Variants in CSMD1 observed in about 807,000 individuals in gnomAD.
CSMD1 encodes CUB and sushi domain-containing protein 1.
In CSMD1, 213 loss-of-function variants were observed where a neutral mutation model predicts 417.5. That is an observed-to-expected ratio of 0.51 (90% CI 0.46 to 0.57). The LOEUF is 0.57. Among genes scored for constraint, CSMD1 ranks in the 20% least tolerant of loss-of-function variants. The pLI, the probability that CSMD1 is intolerant of heterozygous loss-of-function variation, is 0.00. For missense variants in CSMD1, 6,923 were observed against 4,529.7 expected (o/e 1.53, Z -15.17); for synonymous variants, 2,862 against 1,736.8 (o/e 1.65, Z -16.11).
At chr8:4,369,165 C>G (rs777089329) in intron 3 of CSMD1, among the ~76,000 whole-genome samples, 10 of 152,098 alleles carry the variant, frequency 6.6e-5, no homozygotes, top group Non-Finnish European at 1.0e-4. Context: ...TCACTGGTTT[C>G]AAAAACTTTT....
chr8:3,571,178 T>C (rs996800378), intron 10 of CSMD1, among the ~76,000 whole-genome samples: 12 of 152,146 alleles, frequency 7.9e-5, no homozygotes, highest in African/African-American at 2.9e-4. Flanking sequence ...ACCAACGCCA[T>C]CAACAAGGCT....
chr8:3,151,482 A>G lies in CSMD1; in HGVS notation c.5946T>C (p.Gly1982=), dbSNP rs1819192680. The part of the protein sequence containing the change: ...ATCGGTLSTL[G]GVILSPGFPG... Reference sequence around the variant, plus strand: ...GGAAGCCGGGGCTCAGGATCACACCACCCAAGGTGCTCAGCGTCCCTCCAC... The same window carrying G: ...GGAAGCCGGGGCTCAGGATCACACCGCCCAAGGTGCTCAGCGTCCCTCCAC... Residue 1982 remains glycine, a synonymous_variant, in exon 40 of 70, where the codon GGT becomes GGC. Coordinates refer to ENST00000635120, the MANE Select transcript of CSMD1 (RefSeq NM_033225.6). 6.2e-7 allele frequency: 1 copy of G among 1,613,438 alleles called. No homozygotes were observed. The highest frequency in any genetic ancestry group is 8.5e-7 in the Non-Finnish European group (1 of 1,179,706).
intron 5 of CSMD1, among the ~76,000 whole-genome samples, chr8:3,838,357 G>A (rs532520842): frequency 1.3e-5 from 2 of 151,592 alleles, no homozygotes; most frequent in South Asian, 4.2e-4. Flanking sequence ...GTGATGTCGT[G>A]AGACACTGTC....
intron 12 of CSMD1, among the ~76,000 whole-genome samples, chr8:3,443,579 A>C (rs1269718892): frequency 2.6e-5 from 4 of 152,356 alleles, no homozygotes; most frequent in African/African-American, 7.2e-5. Context: ...ACAGTTTAGA[A>C]GAGAAGGAAG....
At chr8:4,041,802 A>C (rs1797908512) in intron 3 of CSMD1, among the ~76,000 whole-genome samples, 1 of 152,026 alleles carries the variant, frequency 6.6e-6, no homozygotes, top group Admixed American at 6.5e-5. Flanking sequence ...AAAACAAACA[A>C]ACATACCCAC....
intron 62 of CSMD1, among the ~76,000 whole-genome samples, chr8:2,958,485 A>G (rs1043560360): frequency 6.6e-6 from 1 of 152,172 alleles, no homozygotes; most frequent in African/African-American, 2.4e-5. Context: ...TTATTCACCC[A>G]TGTGTGTTCC....
chr8:4,779,840 C>T (rs771281244), intron 1 of CSMD1, among the ~76,000 whole-genome samples: 4 of 152,282 alleles, frequency 2.6e-5, no homozygotes, highest in South Asian at 2.1e-4. Flanking sequence ...CAGCATCTTC[C>T]ACTTCCAAAC....
chr8:3,407,663 G>C (rs1256630835), intron 14 of CSMD1, among the ~76,000 whole-genome samples: 1 of 152,190 alleles, frequency 6.6e-6, no homozygotes, highest in Non-Finnish European at 1.5e-5. Context: ...AGATGAAAGA[G>C]AGAGGAGATC....
At chr8:4,922,198 G>A (rs1008430001) in intron 1 of CSMD1, among the ~76,000 whole-genome samples, 2 of 152,038 alleles carry the variant, frequency 1.3e-5, no homozygotes, top group Admixed American at 1.3e-4. Flanking sequence ...GCGAGTGTGT[G>A]CGTGCATGTC....
chr8:4,545,510 C>T (rs972856055), intron 2 of CSMD1, among the ~76,000 whole-genome samples: 3 of 152,074 alleles, frequency 2.0e-5, no homozygotes, highest in Admixed American at 1.3e-4. Context: ...GTGGGTAGAT[C>T]TCACGACCCT....
At chr8:3,883,481 C>A (rs1344374165) in intron 5 of CSMD1, among the ~76,000 whole-genome samples, 1 of 152,074 alleles carries the variant, frequency 6.6e-6, no homozygotes, top group Non-Finnish European at 1.5e-5. Flanking sequence ...TATGTATATG[C>A]ACACAAATAT....
chr8:4,198,486 G>C (rs997049367), intron 3 of CSMD1, among the ~76,000 whole-genome samples: 1 of 152,038 alleles, frequency 6.6e-6, no homozygotes, highest in African/African-American at 2.4e-5. Context: ...GAAATCACTA[G>C]AGGATGAGAA....
Position 2,938,656 on chromosome 8 carries a change from T to C in CSMD1, c.10624A>G (p.Asn3542Asp). 1 of 1,611,814 alleles carries C rather than the reference T, an allele frequency of 6.2e-7. No individual in the cohort carries two copies. Among genetic ancestry groups the C allele is most frequent in the Non-Finnish European group, 8.5e-7 (1 of 1,178,960 alleles). Residue 3542 changes from asparagine to aspartate, a missense_variant, in exon 70 of 70, where the codon AAC (asparagine) becomes GAC (aspartate). Physicochemically the swap from Asn to Asp is conservative, Grantham distance 23. Coordinates refer to ENST00000635120, the MANE Select transcript of CSMD1 (RefSeq NM_033225.6). ...ASFENPMYDT[N>D]LKPTEAKAVR... is the part of the protein sequence containing the mutation. ...GCCTTGGCTTCTGTGGGTTTTAAGT[T>C]TGTATCATACATGGGGTTTTCAAAC...
chr8:4,909,769 C>A (rs34386300), intron 1 of CSMD1, among the ~76,000 whole-genome samples: 36,195 of 152,034 alleles, frequency 0.24, 4,995 homozygotes, highest in East Asian at 0.52. Flanking sequence ...GTCTCTGATC[C>A]ATGTACATTT....
chr8:4,072,722 A>G (rs1022721699), intron 3 of CSMD1, among the ~76,000 whole-genome samples: 8 of 152,210 alleles, frequency 5.3e-5, no homozygotes, highest in Non-Finnish European at 1.0e-4. Flanking sequence ...ACAGAAATGA[A>G]CAAAGTGTTT....
intron 1 of CSMD1, among the ~76,000 whole-genome samples, chr8:4,951,960 C>A (rs1200121575): frequency 6.6e-6 from 1 of 151,320 alleles, no homozygotes; most frequent in Non-Finnish European, 1.5e-5. Flanking sequence ...ACTGGTGACT[C>A]CTTCAGAGCC....
chr8:4,832,400 T>C (rs141655184), intron 1 of CSMD1, among the ~76,000 whole-genome samples: 162 of 152,298 alleles, frequency 1.1e-3, no homozygotes, highest in Middle Eastern at 6.8e-3. Flanking sequence ...ACAGTGGACA[T>C]TGACATCTAC....
At chr8:4,834,732 G>A (rs1463655386) in intron 1 of CSMD1, among the ~76,000 whole-genome samples, 2 of 151,788 alleles carry the variant, frequency 1.3e-5, no homozygotes, top group Admixed American at 6.6e-5. Flanking sequence ...CGAGGCGGGC[G>A]GATCACGACA....
intron 1 of CSMD1, among the ~76,000 whole-genome samples, chr8:4,730,468 C>T (rs1224993109): frequency 6.6e-6 from 1 of 152,118 alleles, no homozygotes; most frequent in Non-Finnish European, 1.5e-5. Context: ...TGGCCAGGAG[C>T]AGTGGCTCAC....
Sources: gnomAD v4.1 joint callset for allele counts (sites outside exome capture counted in the v4.1 genomes callset) on GRCh38, gnomAD v4.1.1 for gene constraint, MANE v1.5 for transcripts, NCBI Gene and HGNC (gene_info 2026-07-23, HGNC 2026-07-21) for gene names.